RGS6: variants seen among roughly 807,000 people sequenced by gnomAD.
RGS6 encodes regulator of G-protein signaling 6.
RGS6 carries 30 observed loss-of-function variants against 78.5 expected under a neutral mutation model. The ratio of observed to expected loss-of-function variants is 0.38; its 90% confidence interval spans 0.29 to 0.52. The LOEUF (loss-of-function observed/expected upper bound fraction) is 0.52. RGS6 is among the 20% of genes least tolerant of loss of function. RGS6 has a pLI of 0.85. For missense variants in RGS6, 495 were observed against 609.7 expected (o/e 0.81, Z 1.98); for synonymous variants, 206 against 206.0 (o/e 1.00, Z 0.00).
intron 2 of RGS6, among the ~76,000 whole-genome samples, chr14:72,326,136 C>T (rs912225276): frequency 1.3e-5 from 2 of 152,068 alleles, no homozygotes; most frequent in Admixed American, 6.6e-5. Flanking sequence ...TTTGTGAGAA[C>T]CAAAGATTAC....
intron 2 of RGS6, among the ~76,000 whole-genome samples, chr14:72,290,292 C>T (rs193009455): frequency 3.3e-5 from 5 of 152,310 alleles, no homozygotes; most frequent in Admixed American, 6.5e-5. Flanking sequence ...TTCCCATTTT[C>T]ATATCACCTC....
chr14:72,507,077 G>T (rs576349868), intron 13 of RGS6, among the ~76,000 whole-genome samples: 1 of 151,574 alleles, frequency 6.6e-6, no homozygotes, highest in Non-Finnish European at 1.5e-5. Flanking sequence ...GCTGAGGCAG[G>T]AGAATGGCGT....
At chr14:72,133,283 A>C (rs552421854) in intron 2 of RGS6, among the ~76,000 whole-genome samples, 2 of 151,778 alleles carry the variant, frequency 1.3e-5, no homozygotes, top group African/African-American at 2.4e-5. Context: ...CAATTCCTTC[A>C]ATTTTTTTTT....
intron 2 of RGS6, among the ~76,000 whole-genome samples, chr14:71,986,054 C>T (rs2094698986): frequency 6.6e-6 from 1 of 152,200 alleles, no homozygotes; most frequent in African/African-American, 2.4e-5. Context: ...TTCTGTCACA[C>T]ACTTGAGAGG....
chr14:72,075,469 C>T (rs148745619), intron 2 of RGS6, among the ~76,000 whole-genome samples: 1 of 152,114 alleles, frequency 6.6e-6, no homozygotes, highest in African/African-American at 2.4e-5. Flanking sequence ...AAATCAAGCT[C>T]TTTTATATTT....
the RGS6 span, among the ~76,000 whole-genome samples, chr14:71,910,744 T>A: frequency 6.6e-6 from 1 of 151,896 alleles, no homozygotes; most frequent in Non-Finnish European, 1.5e-5. Context: ...AATGAGAGAG[T>A]GTGGGATGTT....
intron 3 of RGS6, among the ~76,000 whole-genome samples, chr14:72,409,085 A>C (rs1383194557): frequency 1.3e-5 from 2 of 152,222 alleles, no homozygotes; most frequent in Non-Finnish European, 2.9e-5. Context: ...TCATAATAAA[A>C]ACAGAGATTC....
At chr14:72,503,240 A>AG (rs1489400956) in intron 13 of RGS6, among the ~76,000 whole-genome samples, 1 of 152,178 alleles carries the variant, frequency 6.6e-6, no homozygotes, top group African/African-American at 2.4e-5. Flanking sequence ...CCATCACATT[A>AG]GGGGTCAGGA....
intron 2 of RGS6, among the ~76,000 whole-genome samples, chr14:72,056,064 C>T (rs1318794165): frequency 1.3e-5 from 2 of 152,170 alleles, no homozygotes; most frequent in African/African-American, 2.4e-5. Flanking sequence ...TAAGTCTTGG[C>T]GTGAGCCCCC....
chr14:72,000,955 C>G (rs1226555990), intron 2 of RGS6, among the ~76,000 whole-genome samples: 1 of 152,134 alleles, frequency 6.6e-6, no homozygotes, highest in Non-Finnish European at 1.5e-5. Context: ...AGAACTTGGT[C>G]TGAGAATATA....
At chr14:72,354,620 A>G (rs1430392047) in intron 3 of RGS6, among the ~76,000 whole-genome samples, 1 of 151,542 alleles carries the variant, frequency 6.6e-6, no homozygotes, top group African/African-American at 2.4e-5. Flanking sequence ...ACAGAGTGAG[A>G]CTCCATCTCA....
In RGS6 at chr14:72,466,271, C is replaced by T. The variant is rs561333490; in HGVS notation, c.459+449C>T. On this transcript the variant is annotated intron_variant, in intron 7 of 17. Transcript: ENST00000553525. ...AGGAAGTAGAACAACTGGAACTCTC[C>T]GCTTTGCTAGTGGTAATGCAAAATG... 5.9e-5 allele frequency among the ~76,000 whole-genome samples: 9 copies of T among 152,266 alleles called. No individual in the cohort carries two copies. In the South Asian group the frequency reaches 6.2e-4, roughly 11 times the overall value.
the RGS6 span, among the ~76,000 whole-genome samples, chr14:72,603,803 G>A: frequency 6.6e-6 from 1 of 152,160 alleles, no homozygotes; most frequent in African/African-American, 2.4e-5. Context: ...GCATTCTGGA[G>A]ATTCCAGACA....
At chr14:72,160,459 C>T (rs1318193600) in intron 2 of RGS6, among the ~76,000 whole-genome samples, 1 of 152,204 alleles carries the variant, frequency 6.6e-6, no homozygotes, top group Non-Finnish European at 1.5e-5. Context: ...GAGAAAAACT[C>T]AGTCCCATTG....
intron 2 of RGS6, among the ~76,000 whole-genome samples, chr14:71,973,725 T>C (rs915939473): frequency 6.6e-6 from 1 of 152,180 alleles, no homozygotes; most frequent in Non-Finnish European, 1.5e-5. Context: ...ACTAATTTAA[T>C]TGTTCAGTCT....
intron 2 of RGS6, among the ~76,000 whole-genome samples, chr14:72,016,861 A>G (rs2087117814): frequency 6.6e-6 from 1 of 152,214 alleles, no homozygotes; most frequent in African/African-American, 2.4e-5. Context: ...AATTACTCAG[A>G]TGGTTTACAG....
chr14:72,343,869 G>A (rs1003006671), intron 2 of RGS6, among the ~76,000 whole-genome samples: 2 of 152,196 alleles, frequency 1.3e-5, no homozygotes, highest in Admixed American at 1.3e-4. Context: ...TCAAATTCAG[G>A]TAATTTGAGG....
chr14:71,975,347 G>C (rs1356693540), intron 2 of RGS6, among the ~76,000 whole-genome samples: 1 of 152,056 alleles, frequency 6.6e-6, no homozygotes, highest in Non-Finnish European at 1.5e-5. Flanking sequence ...TCCTTTGGCT[G>C]CTTTTAAGAT....
At chr14:72,485,217 A>C (rs1326215033) in intron 12 of RGS6, among the ~76,000 whole-genome samples, 1 of 152,078 alleles carries the variant, frequency 6.6e-6, no homozygotes, top group African/African-American at 2.4e-5. Flanking sequence ...TGAATTTCCT[A>C]TATTTATTTT....
Sources: gnomAD v4.1 joint callset for allele counts (sites outside exome capture counted in the v4.1 genomes callset) on GRCh38, gnomAD v4.1.1 for gene constraint, MANE v1.5 for transcripts, NCBI Gene and HGNC (gene_info 2026-07-23, HGNC 2026-07-21) for gene names.